Variants in FSTL5 observed in about 807,000 individuals in gnomAD.
FSTL5 encodes follistatin like 5, also known as follistatin-related protein 5.
A neutral mutation model predicts 89.1 loss-of-function variants in FSTL5; 62 were observed. That is an observed-to-expected ratio of 0.70 (90% CI 0.57 to 0.86). The LOEUF is 0.86. FSTL5 is among the 40% of genes least tolerant of loss of function. The pLI, the probability that FSTL5 is intolerant of heterozygous loss-of-function variation, is 0.00. For missense variants in FSTL5, 1,057 were observed against 1,001.6 expected, an observed-to-expected ratio of 1.06 and a Z score of -0.75; for synonymous variants, 383 against 346.2, an observed-to-expected ratio of 1.11 and a Z score of -1.18.
intron 6 of FSTL5, among the ~76,000 whole-genome samples, chr4:161,751,955 A>G (rs1407456169): frequency 6.6e-6 from 1 of 152,160 alleles, no homozygotes; most frequent in Non-Finnish European, 1.5e-5. Flanking sequence ...TAGCTATAAC[A>G]TTATATAACA....
At position 161,384,701 on chromosome 4, in the gene FSTL5, T is replaced by G. The variant is rs1730553259; in HGVS notation, c.*1046A>C. 6.6e-6 allele frequency: 1 copy of G among 152,150 alleles called. No homozygotes were observed. Among genetic ancestry groups the G allele is most frequent in the East Asian group, 1.9e-4 (1 of 5,192 alleles). 9.4% of individuals were successfully genotyped at this position (152,150 alleles called of 1,614,324 possible). A position where few individuals can be genotyped will look rare whatever the true frequency, so the allele number is the denominator to read the frequency against. The stretch of plus-strand genomic sequence containing the variant: ...TTACCACTGTCGGGCTACCCCTTTA[T>G]TCCCAACTTATATTACTAATTCTTC... On this transcript the variant is annotated 3_prime_UTR_variant, in exon 16 of 16. Transcript: ENST00000306100.
At chr4:161,911,082 T>G (rs896888867) in intron 4 of FSTL5, among the ~76,000 whole-genome samples, 2 of 152,158 alleles carry the variant, frequency 1.3e-5, no homozygotes, top group Non-Finnish European at 2.9e-5. Context: ...ATCAGCTGTT[T>G]GAATCGACCA....
At chr4:161,731,021 T>C (rs12503594) in intron 6 of FSTL5, among the ~76,000 whole-genome samples, 82,802 of 152,130 alleles carry the variant, frequency 0.54, 26,322 homozygotes, top group Non-Finnish European at 0.71. Flanking sequence ...TTTTTTATTA[T>C]AGATCTTTAA....
intron 6 of FSTL5, among the ~76,000 whole-genome samples, chr4:161,739,827 T>A (rs909224551): frequency 1.4e-5 from 2 of 145,390 alleles, no homozygotes; most frequent in African/African-American, 4.9e-5. Flanking sequence ...TTTTTAAAAC[T>A]GGGCATAATT....
At chr4:161,836,889 G>A (rs12505615) in intron 4 of FSTL5, among the ~76,000 whole-genome samples, 1 of 151,930 alleles carries the variant, frequency 6.6e-6, no homozygotes, top group Non-Finnish European at 1.5e-5. Flanking sequence ...ATAATTGAGT[G>A]GATGTTGACT....
chr4:161,580,425 GT>G (rs1156885418), intron 8 of FSTL5, among the ~76,000 whole-genome samples: 1 of 152,120 alleles, frequency 6.6e-6, no homozygotes, highest in Non-Finnish European at 1.5e-5. Flanking sequence ...AAGACCCTAG[GT>G]TCAACTAGTT....
chr4:161,432,215 T>C (rs1264831074), intron 15 of FSTL5, among the ~76,000 whole-genome samples: 1 of 152,022 alleles, frequency 6.6e-6, no homozygotes, highest in Non-Finnish European at 1.5e-5. Context: ...AAGTCACAAA[T>C]GAGTCTTAAA....
intron 2 of FSTL5, among the ~76,000 whole-genome samples, chr4:162,077,391 T>G (rs1729895360): frequency 1.3e-5 from 2 of 151,902 alleles, no homozygotes; most frequent in Admixed American, 6.6e-5. Context: ...GGGGACCACA[T>G]GCAAACCATA....
chr4:161,531,114 T>A (rs982086257), intron 10 of FSTL5, among the ~76,000 whole-genome samples: 1 of 152,170 alleles, frequency 6.6e-6, no homozygotes, highest in Non-Finnish European at 1.5e-5. Flanking sequence ...CTAATGTAAC[T>A]GTAGAGTATA....
At chr4:162,069,164 TCC>T (rs1043870934) in intron 2 of FSTL5, among the ~76,000 whole-genome samples, 7 of 152,028 alleles carry the variant, frequency 4.6e-5, no homozygotes, top group African/African-American at 1.4e-4. Flanking sequence ...GAATCATTAG[TCC>T]TTTGATTTTC....
At chr4:161,845,591 A>G (rs1366757282) in intron 4 of FSTL5, among the ~76,000 whole-genome samples, 1 of 152,240 alleles carries the variant, frequency 6.6e-6, no homozygotes, top group Non-Finnish European at 1.5e-5. Context: ...TTAGAATACA[A>G]ATGTAATTAC....
intron 15 of FSTL5, among the ~76,000 whole-genome samples, chr4:161,442,620 A>G (rs149119277): frequency 2.6e-5 from 4 of 152,188 alleles, no homozygotes; most frequent in Non-Finnish European, 5.9e-5. Flanking sequence ...ATTCAGAGAA[A>G]CTTTCCTAAG....
intron 3 of FSTL5, among the ~76,000 whole-genome samples, chr4:161,955,729 CAAGT>C (rs1270838377): frequency 2.0e-5 from 3 of 151,794 alleles, no homozygotes; most frequent in African/African-American, 7.2e-5. Context: ...TTGGAATGCG[CAAGT>C]GAGTCTAGCC....
chr4:161,651,430 T>C (rs771377520), intron 7 of FSTL5, among the ~76,000 whole-genome samples: 6 of 152,166 alleles, frequency 3.9e-5, no homozygotes, highest in Non-Finnish European at 5.9e-5. Flanking sequence ...TTCCCAATCT[T>C]TCTTGGTACT....
intron 1 of FSTL5, among the ~76,000 whole-genome samples, chr4:162,121,125 TATAG>T (rs538675700): frequency 7.6e-4 from 116 of 151,916 alleles, no homozygotes; most frequent in African/African-American, 2.8e-3. Context: ...GTTATTGATA[TATAG>T]ATATATAAAC....
intron 3 of FSTL5, among the ~76,000 whole-genome samples, chr4:161,948,628 A>C (rs548412562): frequency 6.6e-6 from 1 of 150,916 alleles, no homozygotes; most frequent in South Asian, 2.1e-4. Flanking sequence ...TTCTATTATT[A>C]GTAGAGATGG....
intron 4 of FSTL5, among the ~76,000 whole-genome samples, chr4:161,901,503 C>G (rs1733363216): frequency 1.3e-5 from 2 of 152,138 alleles, no homozygotes; most frequent in Non-Finnish European, 2.9e-5. Context: ...CTGTGATTAA[C>G]AAAATGAATT....
chr4:162,065,698 C>T (rs916166151), intron 2 of FSTL5, among the ~76,000 whole-genome samples: 1 of 151,834 alleles, frequency 6.6e-6, no homozygotes, highest in East Asian at 1.9e-4. Context: ...AATCCAGCAA[C>T]TCTACTTCTC....
At chr4:162,023,829 C>T (rs1737184684) in intron 3 of FSTL5, among the ~76,000 whole-genome samples, 1 of 152,112 alleles carries the variant, frequency 6.6e-6, no homozygotes, top group South Asian at 2.1e-4. Flanking sequence ...GAAGACTTTT[C>T]CCCTACCTTC....
Sources: gnomAD v4.1 joint callset for allele counts (sites outside exome capture counted in the v4.1 genomes callset) on GRCh38, gnomAD v4.1.1 for gene constraint, MANE v1.5 for transcripts, NCBI Gene and HGNC (gene_info 2026-07-23, HGNC 2026-07-21) for gene names.